The following NCKAP5 variants were observed in gnomAD, a reference collection of about 807,000 sequenced individuals.
NCKAP5 encodes NCK associated protein 5.
A neutral mutation model predicts 167.0 loss-of-function variants in NCKAP5; 92 were observed. The observed-to-expected ratio is 0.55, with a 90% CI of 0.47 to 0.66. The LOEUF is 0.66. Among genes scored for constraint, NCKAP5 ranks in the 30% least tolerant of loss-of-function variants. NCKAP5 has a pLI of 0.00. For missense variants in NCKAP5, 2,378 were observed against 2,315.0 expected, an observed-to-expected ratio of 1.03 and a Z score of -0.56; for synonymous variants, 891 against 877.4, an observed-to-expected ratio of 1.02 and a Z score of -0.27.
chr2:132,891,242 C>A (rs2148868582), intron 8 of NCKAP5, among the ~76,000 whole-genome samples: 1 of 152,296 alleles, frequency 6.6e-6, no homozygotes, highest in Non-Finnish European at 1.5e-5. Context: ...TATGGGATCA[C>A]AGACTGTGGG....
At chr2:133,177,158 T>G (rs935449081) in intron 5 of NCKAP5, among the ~76,000 whole-genome samples, 2 of 55,862 alleles carry the variant, frequency 3.6e-5, no homozygotes, top group African/African-American at 1.5e-4. Context: ...CAGGAGGTTT[T>G]GTTTTCTATA....
chr2:133,455,516 A>G (rs180909786), intron 3 of NCKAP5, among the ~76,000 whole-genome samples: 1 of 152,086 alleles, frequency 6.6e-6, no homozygotes, highest in Non-Finnish European at 1.5e-5. Context: ...TCATATTTAG[A>G]ATGGTCTATA....
At chr2:133,152,041 T>C (rs188692316) in intron 5 of NCKAP5, among the ~76,000 whole-genome samples, 1 of 152,278 alleles carries the variant, frequency 6.6e-6, no homozygotes, top group Admixed American at 6.5e-5. Context: ...TCATTAGATA[T>C]GAAGGAAACC....
intron 16 of NCKAP5, among the ~76,000 whole-genome samples, chr2:132,770,678 T>C (rs1574144665): frequency 2.0e-5 from 3 of 152,160 alleles, no homozygotes; most frequent in African/African-American, 7.2e-5. Flanking sequence ...AACAGAACAC[T>C]GATGAGGGAA....
chr2:133,645,402 A>G, the NCKAP5 span, among the ~76,000 whole-genome samples: 3 of 152,288 alleles, frequency 2.0e-5, no homozygotes, highest in East Asian at 5.8e-4. Flanking sequence ...TTTGTAGCAT[A>G]CCTACTATAT....
intron 5 of NCKAP5, among the ~76,000 whole-genome samples, chr2:133,146,099 G>T (rs2083187022): frequency 6.6e-6 from 1 of 151,506 alleles, no homozygotes. Flanking sequence ...TAGATAAAAA[G>T]CAACATCTAG....
At chr2:132,867,618 G>A (rs1690460336) in intron 10 of NCKAP5, among the ~76,000 whole-genome samples, 1 of 152,074 alleles carries the variant, frequency 6.6e-6, no homozygotes, top group African/African-American at 2.4e-5. Context: ...CCTTCCTGAT[G>A]GCTGGAATGT....
intron 3 of NCKAP5, among the ~76,000 whole-genome samples, chr2:133,444,377 T>C (rs1691053451): frequency 6.7e-6 from 1 of 150,256 alleles, no homozygotes; most frequent in South Asian, 2.1e-4. Context: ...GATAGATAGA[T>C]AGATAGATAG....
intron 7 of NCKAP5, among the ~76,000 whole-genome samples, chr2:132,990,493 C>G (rs986992568): frequency 2.0e-5 from 3 of 152,154 alleles, no homozygotes; most frequent in African/African-American, 7.2e-5. Flanking sequence ...ACTTCCCAGT[C>G]CCTCAAATCT....
At chr2:132,746,329 T>C (rs1679641585) in intron 16 of NCKAP5, among the ~76,000 whole-genome samples, 1 of 152,028 alleles carries the variant, frequency 6.6e-6, no homozygotes, top group African/African-American at 2.4e-5. Context: ...ACAAAAGGTA[T>C]TAAAAACAAT....
At chr2:133,346,432 G>C (rs1683981197) in intron 3 of NCKAP5, among the ~76,000 whole-genome samples, 1 of 152,212 alleles carries the variant, frequency 6.6e-6, no homozygotes, top group Non-Finnish European at 1.5e-5. Context: ...AGTTTGCTGA[G>C]ACGTGTGAGA....
At chr2:133,056,926 T>C (rs181119733) in intron 6 of NCKAP5, among the ~76,000 whole-genome samples, 1 of 152,360 alleles carries the variant, frequency 6.6e-6, no homozygotes, top group Non-Finnish European at 1.5e-5. Flanking sequence ...TTGTGGCAAC[T>C]GCATTGATAA....
At chr2:133,517,052 T>G (rs576082418) in intron 3 of NCKAP5, among the ~76,000 whole-genome samples, 1 of 152,202 alleles carries the variant, frequency 6.6e-6, no homozygotes, top group South Asian at 2.1e-4. Context: ...TCTCCAAGAC[T>G]TCCTCTGCTC....
Position 132,783,627 on chromosome 2 carries a change from C to T in NCKAP5, c.3184G>A (p.Gly1062Arg). 2 of 1,613,880 alleles carry T rather than the reference C, an allele frequency of 1.2e-6. No individual in the cohort carries two copies. The highest frequency in any genetic ancestry group is 1.1e-5 in the South Asian group (1 of 91,078). ...QTLGTPQRDIGLQTPRISPST... is the reference protein window; with the variant it reads ...QTLGTPQRDIRLQTPRISPST... ...GGAGAGATCCTGGGAGTCTGTAATC[C>T]TATGTCCCTTTGTGGGGTCCCAAGT... The change falls in exon 14 of 20, where the codon GGA becomes AGA. Residue 1062 changes from glycine to arginine, a missense_variant. By Grantham distance (125) the Gly-to-Arg change is moderately radical. This residue lies in a region of NCKAP5 where 1,325 missense variants were observed against 1,274.5 expected (regional missense o/e 1.04). Coordinates refer to ENST00000409261, the MANE Select transcript of NCKAP5 (RefSeq NM_207363.3).
At chr2:132,755,708 A>G (rs61379562) in intron 16 of NCKAP5, among the ~76,000 whole-genome samples, 4,301 of 151,832 alleles carry the variant, frequency 0.028, 170 homozygotes, top group East Asian at 0.16. Flanking sequence ...GCGCGCCTGT[A>G]ATCCCAGCTA....
At chr2:132,726,729 TA>T (rs1412998699) in intron 18 of NCKAP5, among the ~76,000 whole-genome samples, 1 of 152,232 alleles carries the variant, frequency 6.6e-6, no homozygotes, top group Non-Finnish European at 1.5e-5. Context: ...TCATTTCCTT[TA>T]CTCTTTCATT....
chr2:133,611,831 T>G, the NCKAP5 span, among the ~76,000 whole-genome samples: 93 of 152,176 alleles, frequency 6.1e-4, no homozygotes, highest in Non-Finnish European at 1.9e-4. Flanking sequence ...CTTTTATAGA[T>G]GGGACATGAT....
At chr2:132,977,237 G>A (rs1011625483) in intron 7 of NCKAP5, among the ~76,000 whole-genome samples, 6 of 152,202 alleles carry the variant, frequency 3.9e-5, no homozygotes, top group Admixed American at 6.5e-5. Context: ...TACCTCTGAT[G>A]ACACTGGGAG....
intron 16 of NCKAP5, among the ~76,000 whole-genome samples, chr2:132,766,570 T>C (rs751544182): frequency 2.6e-5 from 4 of 152,202 alleles, no homozygotes; most frequent in South Asian, 2.1e-4. Context: ...GATCCACATA[T>C]GGATAACTAC....
Sources: gnomAD v4.1 joint callset for allele counts (sites outside exome capture counted in the v4.1 genomes callset) on GRCh38, gnomAD v4.1.1 for gene constraint, gnomAD v4.1.1 regional missense constraint, MANE v1.5 for transcripts, NCBI Gene and HGNC (gene_info 2026-07-23, HGNC 2026-07-21) for gene names.